Variants in PLXNC1 observed in about 807,000 individuals in gnomAD.
PLXNC1 encodes the protein plexin C1.
Under a neutral mutation model 178.2 loss-of-function variants are expected in PLXNC1, and 75 were observed. The ratio of observed to expected loss-of-function variants is 0.42; its 90% confidence interval spans 0.35 to 0.51. The LOEUF (loss-of-function observed/expected upper bound fraction) is 0.51, where lower values mean the gene tolerates loss of function less well. Ranked by LOEUF, PLXNC1 falls within the 20% of genes least tolerant of loss-of-function variation. The pLI is 0.02. For synonymous variants in PLXNC1, 790 were observed against 779.9 expected, an observed-to-expected ratio of 1.01 and a Z score of -0.22; for missense variants, 1,503 against 1,984.4, an observed-to-expected ratio of 0.76 and a Z score of 4.61.
intron 21 of PLXNC1, among the ~76,000 whole-genome samples, chr12:94,273,996 G>C (rs1354315686): frequency 3.3e-5 from 5 of 151,650 alleles, no homozygotes; most frequent in Non-Finnish European, 5.9e-5. Context: ...GGCTGCCACC[G>C]CTCCAAGCGC....
At chr12:94,165,579 A>G (rs1037747072) in intron 1 of PLXNC1, among the ~76,000 whole-genome samples, 1 of 152,154 alleles carries the variant, frequency 6.6e-6, no homozygotes, top group African/African-American at 2.4e-5. Context: ...GAAGAACTGC[A>G]GTTTAGTGTC....
intron 21 of PLXNC1, among the ~76,000 whole-genome samples, chr12:94,265,478 C>G (rs780815967): frequency 6.6e-6 from 1 of 152,146 alleles, no homozygotes; most frequent in Non-Finnish European, 1.5e-5. Flanking sequence ...ATTTTAATAT[C>G]AGGATTGCTT....
At chr12:94,177,175 A>ATT (rs144994341) in intron 2 of PLXNC1, among the ~76,000 whole-genome samples, 1 of 46,262 alleles carries the variant, frequency 2.2e-5, no homozygotes, top group Non-Finnish European at 3.7e-5. Flanking sequence ...ATATATATAT[A>ATT]CGTATATATA....
At chr12:94,274,904 TACAC>T (rs886309398) in intron 21 of PLXNC1, among the ~76,000 whole-genome samples, 4 of 152,216 alleles carry the variant, frequency 2.6e-5, no homozygotes, top group Non-Finnish European at 5.9e-5. Context: ...CATATACAAA[TACAC>T]ACACGTCATT....
chr12:94,177,128 TG>T (rs1962089348), intron 2 of PLXNC1, among the ~76,000 whole-genome samples: 1 of 85,198 alleles, frequency 1.2e-5, no homozygotes, highest in Admixed American at 1.2e-4. Flanking sequence ...TGTGTGTGTG[TG>T]TATATATATG....
intron 9 of PLXNC1, among the ~76,000 whole-genome samples, chr12:94,236,814 A>G (rs1964254558): frequency 6.6e-6 from 1 of 152,244 alleles, no homozygotes; most frequent in Non-Finnish European, 1.5e-5. Context: ...AATTATCAGA[A>G]TGATAGACAG....
At chr12:94,168,234 T>C (rs1027304103) in intron 1 of PLXNC1, 4 of 152,220 alleles carry the variant, frequency 2.6e-5, no homozygotes, top group African/African-American at 9.6e-5. Context: ...GCTATCACAC[T>C]GTGTTCAGTA....
rs1565794542 is a variant in PLXNC1, at chr12:94,177,219, GTATATATATACATA to G, written c.1204-4216_1204-4203del. ...TATATACGTATATATATATGTGTGT[GTATATATATACATA>G]TATATATATATATATATATGTATAT... On this transcript the variant is annotated intron_variant, in intron 2 of 30. Coordinates refer to ENST00000258526, the MANE Select transcript of PLXNC1 (RefSeq NM_005761.3). Among the ~76,000 whole-genome samples, 263 of 88,420 alleles carry G rather than the reference GTATATATATACATA, an allele frequency of 3.0e-3. 5 individuals are homozygous for G. Among genetic ancestry groups the G allele is most frequent in the African/African-American group, 9.9e-3 (229 of 23,164 alleles). The allele number at this position is 88,420 out of a possible 152,430, so 58.0% of individuals were successfully genotyped here. A position where few individuals can be genotyped will look rare whatever the true frequency, so the allele number is the denominator to read the frequency against.
intron 28 of PLXNC1, 105 bp downstream of exon 28, chr12:94,301,162 G>A (rs1256574974): frequency 4.8e-6 from 4 of 830,950 alleles, no homozygotes; most frequent in Non-Finnish European, 7.2e-6. Flanking sequence ...AACTACACCA[G>A]CTAAAAAGAG....
At chr12:94,267,512 A>G (rs1257989184) in intron 21 of PLXNC1, among the ~76,000 whole-genome samples, 5 of 152,152 alleles carry the variant, frequency 3.3e-5, no homozygotes, top group Non-Finnish European at 7.4e-5. Context: ...GAAAATCATG[A>G]TTTCAGAAAT....
intron 9 of PLXNC1, among the ~76,000 whole-genome samples, chr12:94,231,935 A>G (rs1362344589): frequency 6.6e-6 from 1 of 152,166 alleles, no homozygotes; most frequent in African/African-American, 2.4e-5. Context: ...GATTGTGAAG[A>G]TTTATGATAT....
chr12:94,300,964 C>A lies in PLXNC1; in HGVS notation c.4293C>A (p.Asp1431Glu). 1 of 1,613,456 alleles carries A rather than the reference C, an allele frequency of 6.2e-7. No homozygotes were observed. The highest frequency in any genetic ancestry group is 1.7e-5 in the Admixed American group (1 of 59,990). Residue 1431 changes from aspartate to glutamate, a missense_variant, in exon 28 of 31, where the codon GAC (aspartate) becomes GAA (glutamate). Physicochemically the swap from Asp to Glu is conservative, Grantham distance 45. Around this residue, in one of 4 missense-constraint regions of PLXNC1, gnomAD observed 639 missense variants for 979.7 expected, o/e 0.65. Transcript: ENST00000258526. ...TGAAGAACCCTCAGTTTGTCTTTGA[C>A]ATTAAGAAGACACCACATATAGACG... ...NILKNPQFVF[D>E]IKKTPHIDGC...
At chr12:94,198,511 GA>G (rs987911099) in intron 4 of PLXNC1, among the ~76,000 whole-genome samples, 1 of 150,640 alleles carries the variant, frequency 6.6e-6, no homozygotes, top group Admixed American at 6.6e-5. Flanking sequence ...AATAAAAATT[GA>G]AAAAAAAATC....
intron 9 of PLXNC1, among the ~76,000 whole-genome samples, chr12:94,232,407 A>G (rs1964127883): frequency 6.6e-6 from 1 of 152,070 alleles, no homozygotes; most frequent in African/African-American, 2.4e-5. Flanking sequence ...ACTTTTGAAT[A>G]TGCATTTTTG....
In PLXNC1 at chr12:94,164,411, A is replaced by G. The variant is rs148982712; in HGVS notation, c.1063-4742A>G. 1.5e-4 allele frequency among the ~76,000 whole-genome samples: 22 copies of G among 148,206 alleles called. No homozygotes were observed. The East Asian group carries it at 4.5e-3, about 30-fold the overall frequency. On this transcript the variant is annotated intron_variant, in intron 1 of 30. Transcript: ENST00000258526. ...GTTTTGTGCCCATTCCCTCCCGATG[A>G]TGCCGCAAAAGCTGGAGCATGGCTG...
intron 1 of PLXNC1, among the ~76,000 whole-genome samples, chr12:94,163,163 A>G (rs1217116711): frequency 6.6e-6 from 1 of 152,112 alleles, no homozygotes; most frequent in Non-Finnish European, 1.5e-5. Flanking sequence ...CAGGAGTTCA[A>G]GACCAGCCTA....
At chr12:94,302,737 CTCTT>C (rs1243131330) in intron 28 of PLXNC1, among the ~76,000 whole-genome samples, 2 of 152,186 alleles carry the variant, frequency 1.3e-5, no homozygotes, top group East Asian at 1.9e-4. Context: ...ATTTGTCCAA[CTCTT>C]TCTGTCAACT....
rs778603509 is a variant in PLXNC1, at chr12:94,149,950, G to A, written c.979G>A (p.Ala327Thr). The A allele has an allele frequency of 6.3e-7, 1 of 1,587,692 alleles. No individual in the cohort carries two copies. Among genetic ancestry groups the A allele is most frequent in the Non-Finnish European group, 8.6e-7 (1 of 1,168,020 alleles). The part of the protein sequence containing the change: ...GQERRSPTTT[A>T]LCLFRMSEIQ... ...GGAGCGGCGCTCCCCCACCACCACG[G>A]CGCTCTGCCTCTTCAGAATGAGTGA... The change falls in exon 1 of 31, where the codon GCG (alanine) becomes ACG (threonine). Residue 327 changes from alanine (A) to threonine (T), a missense_variant. Coordinates refer to ENST00000258526, the MANE Select transcript of PLXNC1 (RefSeq NM_005761.3).
chr12:94,186,468 A>G lies in PLXNC1; in HGVS notation c.1434A>G (p.Leu478=), dbSNP rs760345941. The G allele has an allele frequency of 1.1e-5, 18 of 1,603,936 alleles. No homozygotes were observed. Among genetic ancestry groups the G allele is most frequent in the Non-Finnish European group, 1.3e-5 (15 of 1,170,724 alleles). ...CTCACTGCGGTTGGTGCCATTCGCT[A>G]CAAAGGTATCTCCTGAATTCTTTCT... is the stretch of plus-strand genomic sequence containing the variant. ...TDPHCGWCHS[L]QRCTFQGDCV... is the part of the protein sequence containing the mutation. The change falls in exon 4 of 31, where the codon CTA becomes CTG. Residue 478 remains leucine, a synonymous_variant. Transcript: ENST00000258526.
Sources: allele counts gnomAD v4.1 joint callset (sites outside exome capture counted in the v4.1 genomes callset), GRCh38; gene constraint gnomAD v4.1.1; regional missense constraint gnomAD v4.1.1; transcripts MANE v1.5; gene names NCBI Gene and HGNC (gene_info 2026-07-23, HGNC 2026-07-21).